The following WWOX variants were observed in gnomAD, a reference collection of about 807,000 sequenced individuals.
WWOX encodes the protein WW domain containing oxidoreductase, also known as WW domain-containing oxidoreductase.
In WWOX, 69 loss-of-function variants were observed where a neutral mutation model predicts 46.2. That is an observed-to-expected ratio of 1.49 (90% CI 1.23 to 1.82). WWOX has a LOEUF of 1.82. WWOX is among the 40% of genes most tolerant of loss of function. The pLI, the probability that WWOX is intolerant of heterozygous loss-of-function variation, is 0.00. For synonymous variants in WWOX, 359 were observed against 202.6 expected, an observed-to-expected ratio of 1.77 and a Z score of -6.56; for missense variants, 919 against 542.6, an observed-to-expected ratio of 1.69 and a Z score of -6.89.
intron 4 of WWOX, 66 bp from the exon 5 acceptor site, chr16:78,164,117 G>C (rs376119953): frequency 1.1e-5 from 15 of 1,425,128 alleles, no homozygotes; most frequent in Middle Eastern, 1.7e-4. Context: ...TCCGGTAAAG[G>C]CCATTCAACA....
At chr16:79,175,465 G>C (rs763455565) in intron 8 of WWOX, among the ~76,000 whole-genome samples, 2 of 152,156 alleles carry the variant, frequency 1.3e-5, no homozygotes, top group African/African-American at 4.8e-5. Context: ...ACTCTCTTTA[G>C]CAGGAATCAC....
chr16:78,778,162 C>G (rs1158315071), intron 8 of WWOX, among the ~76,000 whole-genome samples: 1 of 151,916 alleles, frequency 6.6e-6, no homozygotes, highest in Middle Eastern at 3.2e-3. Context: ...CCAAGTCACA[C>G]AGTTAGCTTT....
intron 5 of WWOX, chr16:78,270,565 A>G (rs935377232): frequency 9.9e-5 from 15 of 152,198 alleles, no homozygotes; most frequent in Non-Finnish European, 1.8e-4. Context: ...GTGCAGAAAT[A>G]AAGCTCATGC....
intron 8 of WWOX, among the ~76,000 whole-genome samples, chr16:78,799,001 G>C (rs1474599283): frequency 6.6e-6 from 1 of 152,144 alleles, no homozygotes; most frequent in East Asian, 1.9e-4. Flanking sequence ...ACAACAATGT[G>C]AGCAAAATGC....
chr16:78,618,478 G>T (rs1437869470), intron 8 of WWOX, among the ~76,000 whole-genome samples: 2 of 152,020 alleles, frequency 1.3e-5, no homozygotes, highest in African/African-American at 2.4e-5. Context: ...CATCCTTATG[G>T]CCTCTTCTTG....
At chr16:78,402,934 G>C (rs940506313) in intron 6 of WWOX, among the ~76,000 whole-genome samples, 4 of 152,182 alleles carry the variant, frequency 2.6e-5, no homozygotes, top group Non-Finnish European at 5.9e-5. Flanking sequence ...TCTCCAGCAA[G>C]GTTGTATTTC....
intron 8 of WWOX, among the ~76,000 whole-genome samples, chr16:78,558,187 C>G (rs1442697721): frequency 1.3e-5 from 2 of 152,132 alleles, no homozygotes; most frequent in East Asian, 3.9e-4. Flanking sequence ...TCCCGGAGGT[C>G]AGCTTTATTT....
rs142897591 is a variant in WWOX, at chr16:79,099,612, G to A, written c.1057-111996G>A. Among the ~76,000 whole-genome samples, 12 of 152,056 alleles carry A rather than the reference G, an allele frequency of 7.9e-5. 1 individual carries two copies. The East Asian group carries it at 2.1e-3, about 27-fold the overall frequency. ...TGTTTGTGAGAGAGAGAGAGAGAGA[G>A]AGAGAGAAATCTTTAGGAGTTTTAA... On this transcript the variant is annotated intron_variant, in intron 8 of 8. Coordinates refer to ENST00000566780, the MANE Select transcript of WWOX (RefSeq NM_016373.4).
intron 8 of WWOX, among the ~76,000 whole-genome samples, chr16:78,694,635 T>G (rs147226264): frequency 2.3e-3 from 349 of 152,340 alleles, no homozygotes; most frequent in African/African-American, 7.6e-3. Flanking sequence ...GCATTCTGCA[T>G]GCCCATGTAA....
chr16:78,925,663 G>C (rs1004434499), intron 8 of WWOX, among the ~76,000 whole-genome samples: 2 of 152,182 alleles, frequency 1.3e-5, no homozygotes, highest in African/African-American at 2.4e-5. Context: ...ATGAGAACCA[G>C]GTTTTTGCAT....
At chr16:79,067,701 G>A (rs549516770) in intron 8 of WWOX, among the ~76,000 whole-genome samples, 4 of 152,094 alleles carry the variant, frequency 2.6e-5, no homozygotes, top group South Asian at 4.2e-4. Context: ...GGTCTTTCCC[G>A]CAAGAAGGTA....
chr16:78,929,818 C>T (rs1011368975), intron 8 of WWOX, among the ~76,000 whole-genome samples: 6 of 152,206 alleles, frequency 3.9e-5, no homozygotes, highest in African/African-American at 1.4e-4. Context: ...CCAAGAAAGA[C>T]TGGGTTTCAG....
chr16:78,427,550 A>G (rs1287378520), intron 7 of WWOX, among the ~76,000 whole-genome samples: 1 of 151,982 alleles, frequency 6.6e-6, no homozygotes, highest in Non-Finnish European at 1.5e-5. Flanking sequence ...ACGCACACAC[A>G]CACACACGGA....
At chr16:79,138,291 T>C (rs1215797561) in intron 8 of WWOX, among the ~76,000 whole-genome samples, 1 of 152,228 alleles carries the variant, frequency 6.6e-6, no homozygotes, top group Non-Finnish European at 1.5e-5. Context: ...TAATTCGTCA[T>C]GATCCTTTTG....
intron 8 of WWOX, among the ~76,000 whole-genome samples, chr16:78,489,258 C>T (rs552933528): frequency 2.0e-5 from 3 of 152,298 alleles, no homozygotes; most frequent in Admixed American, 2.0e-4. Context: ...AGACACCCAC[C>T]ACCAGCTGTA....
chr16:78,924,239 G>A (rs567343428), intron 8 of WWOX, among the ~76,000 whole-genome samples: 91 of 152,262 alleles, frequency 6.0e-4, no homozygotes, highest in African/African-American at 1.8e-3. Context: ...ATTCATAGAC[G>A]TCTTGGAAAA....
intron 5 of WWOX, among the ~76,000 whole-genome samples, chr16:78,276,579 T>G (rs1234056110): frequency 6.6e-6 from 1 of 152,202 alleles, no homozygotes; most frequent in Non-Finnish European, 1.5e-5. Context: ...TGGTTATGAA[T>G]TATGAATAAT....
At chr16:79,141,854 G>T (rs1226512599) in intron 8 of WWOX, among the ~76,000 whole-genome samples, 2 of 151,868 alleles carry the variant, frequency 1.3e-5, no homozygotes, top group African/African-American at 2.4e-5. Context: ...TGACTCTTCA[G>T]TGCTTCTTGG....
At chr16:79,036,242 C>T (rs1413346940) in intron 8 of WWOX, among the ~76,000 whole-genome samples, 1 of 152,214 alleles carries the variant, frequency 6.6e-6, no homozygotes, top group Non-Finnish European at 1.5e-5. Flanking sequence ...CTCTGTCAAC[C>T]ATGCCATGGG....
Sources: allele counts gnomAD v4.1 joint callset (sites outside exome capture counted in the v4.1 genomes callset), GRCh38; gene constraint gnomAD v4.1.1; transcripts MANE v1.5; gene names NCBI Gene and HGNC (gene_info 2026-07-23, HGNC 2026-07-21).